Variants in GRM7 observed in about 807,000 individuals in gnomAD.
GRM7 encodes metabotropic glutamate receptor 7.
In GRM7, 35 loss-of-function variants were observed where a neutral mutation model predicts 84.5. The observed-to-expected ratio is 0.41, with a 90% CI of 0.32 to 0.55. GRM7 has a LOEUF of 0.55. Ranked by LOEUF, GRM7 falls within the 20% of genes least tolerant of loss-of-function variation. The pLI, the probability that GRM7 is intolerant of heterozygous loss-of-function variation, is 0.19. For synonymous variants in GRM7, 487 were observed against 455.1 expected (o/e 1.07, Z -0.89); for missense variants, 1,003 against 1,194.6 (o/e 0.84, Z 2.36).
intron 7 of GRM7, chr3:7,561,611 A>G (rs1331184234): frequency 6.6e-6 from 3 of 456,200 alleles, no homozygotes; most frequent in Non-Finnish European, 1.3e-5. Flanking sequence ...GCTACTTTTC[A>G]TATCCCTTTA....
intron 5 of GRM7, among the ~76,000 whole-genome samples, chr3:7,444,029 G>A (rs1697402669): frequency 6.6e-6 from 1 of 152,160 alleles, no homozygotes; most frequent in African/African-American, 2.4e-5. Flanking sequence ...TTGTCAACCT[G>A]ATCTATTCAC....
chr3:6,936,879 G>A (rs1697712901), intron 1 of GRM7, among the ~76,000 whole-genome samples: 1 of 152,112 alleles, frequency 6.6e-6, no homozygotes, highest in Non-Finnish European at 1.5e-5. Context: ...TGTGAACAAT[G>A]CTCAGGTGTT....
intron 1 of GRM7, among the ~76,000 whole-genome samples, chr3:7,086,954 T>G (rs1401858945): frequency 6.6e-6 from 1 of 152,170 alleles, no homozygotes; most frequent in Admixed American, 6.5e-5. Context: ...GTAGCTGTCA[T>G]TCTCATATTT....
chr3:7,317,746 A>G (rs1398682851), intron 4 of GRM7, among the ~76,000 whole-genome samples: 4 of 151,852 alleles, frequency 2.6e-5, no homozygotes, highest in Admixed American at 2.6e-4. Flanking sequence ...TTTTAGCCCT[A>G]GAATTCTCTG....
At chr3:7,652,455 T>C (rs773384146) in intron 8 of GRM7, among the ~76,000 whole-genome samples, 3 of 152,212 alleles carry the variant, frequency 2.0e-5, no homozygotes, top group East Asian at 1.9e-4. Context: ...GGGTAGAAGA[T>C]GTGTGTTTGC....
intron 1 of GRM7, among the ~76,000 whole-genome samples, chr3:6,951,706 C>T (rs1048136521): frequency 1.3e-5 from 2 of 152,014 alleles, no homozygotes; most frequent in Admixed American, 6.5e-5. Flanking sequence ...GTTCCAAGTC[C>T]CCTTTCAGAA....
chr3:7,509,443 C>T (rs1485235063), intron 7 of GRM7, among the ~76,000 whole-genome samples: 3 of 152,154 alleles, frequency 2.0e-5, no homozygotes, highest in Non-Finnish European at 4.4e-5. Flanking sequence ...CTGGCGTCTA[C>T]TGGGGTCTTG....
chr3:7,202,326 ATGTT>A (rs921480117), intron 2 of GRM7, among the ~76,000 whole-genome samples: 2 of 151,910 alleles, frequency 1.3e-5, no homozygotes, highest in South Asian at 2.1e-4. Context: ...TGTTTTTTGT[ATGTT>A]TGTTTGTTTG....
intron 2 of GRM7, among the ~76,000 whole-genome samples, chr3:7,235,579 G>A (rs1697324051): frequency 6.6e-6 from 1 of 152,104 alleles, no homozygotes; most frequent in South Asian, 2.1e-4. Context: ...AAGCCACCAA[G>A]GAAATTCTTT....
chr3:7,171,545 C>A (rs1406041844), intron 2 of GRM7, among the ~76,000 whole-genome samples: 3 of 152,142 alleles, frequency 2.0e-5, no homozygotes, highest in Non-Finnish European at 4.4e-5. Context: ...TAACTTTACT[C>A]TTATTTGTGC....
intron 1 of GRM7, among the ~76,000 whole-genome samples, chr3:7,062,227 G>C (rs1034581821): frequency 6.6e-6 from 1 of 151,700 alleles, no homozygotes; most frequent in Admixed American, 6.6e-5. Context: ...TGAAAGGAGA[G>C]ACGAATGGGA....
At chr3:7,130,301 T>C (rs533885334) in intron 1 of GRM7, among the ~76,000 whole-genome samples, 2 of 152,230 alleles carry the variant, frequency 1.3e-5, no homozygotes, top group African/African-American at 4.8e-5. Context: ...GCCAGCACTT[T>C]GGGAGACCGA....
At position 7,306,624 on chromosome 3, in the gene GRM7, C is replaced by T. The variant is rs765220223; in HGVS notation, c.1005C>T (p.Thr335=). 4 of 1,610,210 alleles carry T rather than the reference C, an allele frequency of 2.5e-6. No individual in the cohort carries two copies. Among genetic ancestry groups the T allele is most frequent in the Non-Finnish European group, 3.4e-6 (4 of 1,178,064 alleles). ...AAGATATCGCAGAAGGGGCCATCAC[C>T]ATTCAGCCCAAGCGAGCCACGGTGG... The part of the protein sequence containing the change: ...QHEDIAEGAI[T]IQPKRATVEG... The change falls in exon 4 of 10, where the codon ACC becomes ACT. Residue 335 remains threonine (T), a synonymous_variant. Coordinates refer to ENST00000357716, the MANE Select transcript of GRM7 (RefSeq NM_000844.4).
chr3:7,082,906 A>G (rs1423198145), intron 1 of GRM7, among the ~76,000 whole-genome samples: 1 of 152,172 alleles, frequency 6.6e-6, no homozygotes, highest in Non-Finnish European at 1.5e-5. Flanking sequence ...ATCTCATAAT[A>G]AACTTGAATG....
chr3:7,330,670 G>GT (rs1701171385), intron 4 of GRM7, among the ~76,000 whole-genome samples: 1 of 152,170 alleles, frequency 6.6e-6, no homozygotes. Context: ...CTGCCGCCAT[G>GT]TAAGACATGC....
At chr3:7,162,728 C>CTTTTTTTTTTTTTTTTTTT (rs1559478421) in intron 2 of GRM7, among the ~76,000 whole-genome samples, 1 of 57,102 alleles carries the variant, frequency 1.8e-5, no homozygotes, top group African/African-American at 5.2e-5. Context: ...TCCCATTTTT[C>CTTTTTTTTTTTTTTTTTTT]ATTTTTTTTT....
chr3:6,864,034 A>G lies in GRM7; in HGVS notation c.519+2127A>G, dbSNP rs1318265502. On this transcript the variant is annotated intron_variant, in intron 1 of 9. Coordinates refer to ENST00000357716, the MANE Select transcript of GRM7 (RefSeq NM_000844.4). ...AAAAGGGGTGGGGGGCTGGCCTGACACTAATTTCTCCATTCCCTGAGCTGA... is the reference window on the plus strand; with the variant it reads ...AAAAGGGGTGGGGGGCTGGCCTGACGCTAATTTCTCCATTCCCTGAGCTGA... 3.3e-5 allele frequency among the ~76,000 whole-genome samples: 5 copies of G among 152,142 alleles called. 1 individual carries two copies. The highest frequency in any genetic ancestry group is 7.3e-5 in the Non-Finnish European group (5 of 68,034).
chr3:6,965,000 C>G (rs1394712525), intron 1 of GRM7, among the ~76,000 whole-genome samples: 2 of 152,174 alleles, frequency 1.3e-5, no homozygotes, highest in African/African-American at 2.4e-5. Context: ...TGCCACCACT[C>G]TGGCCCAGAT....
chr3:7,229,747 ATATATATATATATTTT>A lies in GRM7; in HGVS notation c.737-68935_737-68920del, dbSNP rs1697113300. Among the ~76,000 whole-genome samples the A allele has an allele frequency of 3.4e-4, 10 of 29,764 alleles. 1 individual carries two copies. The highest frequency in any genetic ancestry group is 1.2e-3 in the South Asian group (1 of 862). 19.5% of individuals were successfully genotyped at this position (29,764 alleles called of 152,430 possible). A position where few individuals can be genotyped will look rare whatever the true frequency, so the allele number is the denominator to read the frequency against. On this transcript the variant is annotated intron_variant, in intron 2 of 9. Coordinates refer to ENST00000357716, the MANE Select transcript of GRM7 (RefSeq NM_000844.4). ...CACACATATATATATATATATATAT[ATATATATATATATTTT>A]TTTTTTTTTTTGGTTGACAGGTGTT...
Sources: gnomAD v4.1 joint callset for allele counts (sites outside exome capture counted in the v4.1 genomes callset) on GRCh38, gnomAD v4.1.1 for gene constraint, MANE v1.5 for transcripts, NCBI Gene and HGNC (gene_info 2026-07-23, HGNC 2026-07-21) for gene names.